Variants in COL26A1 observed in about 807,000 individuals in gnomAD.
COL26A1 encodes the protein collagen alpha-1(XXVI) chain.
Under a neutral mutation model 59.3 loss-of-function variants are expected in COL26A1, and 41 were observed. The ratio of observed to expected loss-of-function variants is 0.69; its 90% CI spans 0.54 to 0.90. The LOEUF is 0.90. Ranked by LOEUF, COL26A1 falls within the 40% of genes least tolerant of loss-of-function variation. The probability of loss-of-function intolerance (pLI) is 0.00; values close to 1 mark genes in which losing one functional copy is unlikely to be tolerated. For synonymous variants in COL26A1, 266 were observed against 256.0 expected, an observed-to-expected ratio of 1.04 and a Z score of -0.37; for missense variants, 612 against 602.3, an observed-to-expected ratio of 1.02 and a Z score of -0.17.
chr7:101,486,236 C>A (rs530088197), intron 3 of COL26A1, among the ~76,000 whole-genome samples: 79 of 152,202 alleles, frequency 5.2e-4, no homozygotes, highest in African/African-American at 1.8e-3. Flanking sequence ...TCCGTCTTCA[C>A]CCTCTGGGCA....
chr7:101,463,899 T>C lies in COL26A1; in HGVS notation c.385+16112T>C, dbSNP rs202064880. 4.7e-3 allele frequency among the ~76,000 whole-genome samples: 285 copies of C among 60,444 alleles called. 2 individuals are homozygous for C. Among genetic ancestry groups the C allele is most frequent in the African/African-American group, 0.018 (269 of 15,178 alleles). The allele number at this position is 60,444 out of a possible 152,430, so 39.7% of individuals were successfully genotyped here. ...TTTCTTTCTTTCTTTCTTTCTTTCT[T>C]TCTTTTTCTTTCTCTCTTTCTTTCT... On this transcript the variant is annotated intron_variant, in intron 3 of 12. Coordinates refer to ENST00000313669, the MANE Select transcript of COL26A1 (RefSeq NM_001278563.3).
chr7:101,435,924 G>A (rs1404297141), intron 2 of COL26A1, among the ~76,000 whole-genome samples: 2 of 152,242 alleles, frequency 1.3e-5, no homozygotes, highest in East Asian at 3.9e-4. Flanking sequence ...CCCCCCTCTG[G>A]TTGGGTCGCC....
At chr7:101,460,173 G>A (rs1396027591) in intron 3 of COL26A1, among the ~76,000 whole-genome samples, 1 of 152,170 alleles carries the variant, frequency 6.6e-6, no homozygotes, top group Non-Finnish European at 1.5e-5. Flanking sequence ...TCACATTGAT[G>A]AATAAGGGAC....
intron 10 of COL26A1, among the ~76,000 whole-genome samples, chr7:101,551,717 G>T (rs1374335329): frequency 6.6e-6 from 1 of 150,616 alleles, no homozygotes; most frequent in Non-Finnish European, 1.5e-5. Context: ...CTGCACTGCA[G>T]CCTGGGTGAC....
At chr7:101,525,974 G>T (rs1476050705) in intron 3 of COL26A1, among the ~76,000 whole-genome samples, 1 of 152,172 alleles carries the variant, frequency 6.6e-6, no homozygotes, top group Non-Finnish European at 1.5e-5. Context: ...GCCACAGTGG[G>T]CCATGCTGCC....
intron 3 of COL26A1, among the ~76,000 whole-genome samples, chr7:101,503,991 C>T (rs867638185): frequency 6.6e-6 from 1 of 152,326 alleles, no homozygotes; most frequent in African/African-American, 2.4e-5. Context: ...CTCTCTGCTG[C>T]GAGCTCAGGA....
In COL26A1 at chr7:101,387,778, A is replaced by ATTTTTTT. The variant is rs1554404085; in HGVS notation, c.158+24591_158+24597dup. On this transcript the variant is annotated intron_variant, in intron 1 of 12. Coordinates refer to ENST00000313669, the MANE Select transcript of COL26A1 (RefSeq NM_001278563.3). The stretch of plus-strand genomic sequence containing the variant: ...TTTATATATATATATATATATATAT[A>ATTTTTTT]TTTTTTTTTAAGACAGAGTCTCACT... Among the ~76,000 whole-genome samples, 427 of 84,756 alleles carry ATTTTTTT rather than the reference A, an allele frequency of 5.0e-3. 9 individuals carry two copies. Among genetic ancestry groups the ATTTTTTT allele is most frequent in the African/African-American group, 0.02 (392 of 20,086 alleles). 55.6% of individuals were successfully genotyped at this position (84,756 alleles called of 152,430 possible). A position where few individuals can be genotyped will look rare whatever the true frequency, so the allele number is the denominator to read the frequency against.
chr7:101,381,631 C>T (rs1791451047), intron 1 of COL26A1, among the ~76,000 whole-genome samples: 1 of 152,160 alleles, frequency 6.6e-6, no homozygotes, highest in Non-Finnish European at 1.5e-5. Context: ...AACTCTAAGC[C>T]TCAAGCCCTT....
chr7:101,477,487 G>A (rs1339455428), intron 3 of COL26A1, among the ~76,000 whole-genome samples: 2 of 152,184 alleles, frequency 1.3e-5, no homozygotes, highest in Non-Finnish European at 2.9e-5. Flanking sequence ...GTCTACTCTT[G>A]TATCTGGAGG....
chr7:101,546,500 T>C (rs1423381671), intron 7 of COL26A1, among the ~76,000 whole-genome samples: 9 of 151,892 alleles, frequency 5.9e-5, no homozygotes, highest in African/African-American at 2.2e-4. Context: ...GGTCTTGAAC[T>C]CCTGGCCTCA....
chr7:101,421,066 A>G (rs1792508363), intron 2 of COL26A1, among the ~76,000 whole-genome samples: 1 of 152,058 alleles, frequency 6.6e-6, no homozygotes, highest in African/African-American at 2.4e-5. Flanking sequence ...CTAACGGGAC[A>G]TTTTGCCTGG....
Position 101,453,720 on chromosome 7 carries a change from C to T in COL26A1, c.385+5933C>T, listed in dbSNP as rs1284999753. 5.3e-5 allele frequency among the ~76,000 whole-genome samples: 8 copies of T among 152,224 alleles called. No individual in the cohort carries two copies. The South Asian group carries it at 1.2e-3, about 24-fold the overall frequency. Reference sequence around the variant, plus strand: ...TCTGAGCCTGGGCTGAGTTTGGGATCGGCTCCTGAAAACCCTTGTAAAGAT... The same window carrying T: ...TCTGAGCCTGGGCTGAGTTTGGGATTGGCTCCTGAAAACCCTTGTAAAGAT... On this transcript the variant is annotated intron_variant, in intron 3 of 12. Transcript: ENST00000313669.
intron 3 of COL26A1, among the ~76,000 whole-genome samples, chr7:101,459,533 C>A (rs1793560294): frequency 6.7e-6 from 1 of 149,126 alleles, no homozygotes; most frequent in Non-Finnish European, 1.5e-5. Context: ...TGGTCTCGAT[C>A]TCCTGACCTC....
intron 2 of COL26A1, among the ~76,000 whole-genome samples, chr7:101,426,391 G>T (rs1792649236): frequency 6.6e-6 from 1 of 152,136 alleles, no homozygotes; most frequent in Non-Finnish European, 1.5e-5. Context: ...AGGCGGCCAG[G>T]TCTCAGCCAT....
intron 4 of COL26A1, among the ~76,000 whole-genome samples, chr7:101,538,941 G>C (rs1795542468): frequency 6.6e-6 from 1 of 152,214 alleles, no homozygotes; most frequent in South Asian, 2.1e-4. Flanking sequence ...CAAGTTCCCA[G>C]CAGGGATCTC....
intron 1 of COL26A1, among the ~76,000 whole-genome samples, chr7:101,401,687 TGAG>T (rs146041214): frequency 2.4e-5 from 3 of 122,538 alleles, no homozygotes; most frequent in African/African-American, 3.0e-5. Context: ...TGTTGGAGGC[TGAG>T]GAGGAGGAAG....
chr7:101,385,250 T>TACACACAC (rs1268606163), intron 1 of COL26A1, among the ~76,000 whole-genome samples: 85 of 147,804 alleles, frequency 5.8e-4, no homozygotes, highest in Non-Finnish European at 3.4e-4. Context: ...TATATATATA[T>TACACACAC]ACACACACAC....
intron 1 of COL26A1, among the ~76,000 whole-genome samples, chr7:101,400,495 G>A (rs1791971102): frequency 6.6e-6 from 1 of 151,278 alleles, no homozygotes; most frequent in Admixed American, 6.6e-5. Context: ...CTGAGTAGCT[G>A]GGATTGCAGG....
chr7:101,389,814 A>G (rs1791684000), intron 1 of COL26A1, among the ~76,000 whole-genome samples: 1 of 151,946 alleles, frequency 6.6e-6, no homozygotes, highest in East Asian at 1.9e-4. Context: ...CGGCCTCCCA[A>G]AGTGCTGGGA....
Sources: gnomAD v4.1 joint callset for allele counts (sites outside exome capture counted in the v4.1 genomes callset) on GRCh38, gnomAD v4.1.1 for gene constraint, MANE v1.5 for transcripts, NCBI Gene and HGNC (gene_info 2026-07-23, HGNC 2026-07-21) for gene names.